Variants in LMBRD2 observed in about 807,000 individuals in gnomAD.
LMBRD2 encodes the protein G protein-coupled receptor-associated protein LMBRD2.
LMBRD2 carries 55 observed loss-of-function variants against 94.4 expected under a neutral mutation model. That is an observed-to-expected ratio of 0.58 (90% CI 0.47 to 0.73). The LOEUF (loss-of-function observed/expected upper bound fraction) is 0.73. LMBRD2 is among the 30% of genes least tolerant of loss of function. LMBRD2 has a pLI of 0.00. For missense variants in LMBRD2, 640 were observed against 831.9 expected, an observed-to-expected ratio of 0.77 and a Z score of 2.84; for synonymous variants, 246 against 272.4, an observed-to-expected ratio of 0.90 and a Z score of 0.95.
intron 6 of LMBRD2, among the ~76,000 whole-genome samples, chr5:36,135,420 T>C (rs1166615903): frequency 6.6e-6 from 1 of 152,198 alleles, no homozygotes; most frequent in Non-Finnish European, 1.5e-5. Flanking sequence ...GTTAGGTAAA[T>C]ATTAAGTCTA....
intron 9 of LMBRD2, among the ~76,000 whole-genome samples, chr5:36,118,572 A>G (rs1743813672): frequency 6.6e-6 from 1 of 152,162 alleles, no homozygotes; most frequent in Non-Finnish European, 1.5e-5. Context: ...ATACAGAAAA[A>G]GCAAATCAAT....
rs187570155 is a variant in LMBRD2 at position 36,130,987 on chromosome 5, G to A, written c.747+5322C>T. Among the ~76,000 whole-genome samples the A allele has an allele frequency of 1.7e-3, 259 of 152,136 alleles. 3 individuals are homozygous for A. Among genetic ancestry groups the A allele is most frequent in the African/African-American group, 4.8e-3 (201 of 41,514 alleles). ...AGGGATACTTCCAAACTCAATCTAC[G>A]AGGCCAGTATTGCCCTGATTCCAAA... On this transcript the variant is annotated intron_variant, in intron 6 of 17. Coordinates refer to ENST00000296603, the MANE Select transcript of LMBRD2 (RefSeq NM_001007527.2).
At chr5:36,147,513 G>A (rs1437533715) in intron 1 of LMBRD2, among the ~76,000 whole-genome samples, 1 of 152,132 alleles carries the variant, frequency 6.6e-6, no homozygotes, top group African/African-American at 2.4e-5. Flanking sequence ...TGCCCGATGT[G>A]TGGGCATATC....
At chr5:36,136,225 TAAC>T (rs995224965) in intron 6 of LMBRD2, 81 bp downstream of exon 6, 489 of 1,277,650 alleles carry the variant, frequency 3.8e-4, no homozygotes, top group African/African-American at 3.0e-3. Flanking sequence ...ATCAATGCAC[TAAC>T]AACAACAACA....
At chr5:36,110,627 A>G (rs887594603) in intron 14 of LMBRD2, among the ~76,000 whole-genome samples, 10 of 152,040 alleles carry the variant, frequency 6.6e-5, no homozygotes, top group African/African-American at 2.2e-4. Context: ...CTAAGAACCA[A>G]TGTCCCAAAA....
At chr5:36,104,539 T>C (rs749859766) in intron 17 of LMBRD2, among the ~76,000 whole-genome samples, 1 of 152,072 alleles carries the variant, frequency 6.6e-6, no homozygotes, top group African/African-American at 2.4e-5. Context: ...ACAGACTCTG[T>C]AGCCAGAATA....
chr5:36,142,875 C>T (rs1744450733), intron 2 of LMBRD2: 5 of 375,220 alleles, frequency 1.3e-5, no homozygotes. Flanking sequence ...CAGGCGTCCG[C>T]CACCACGTCC....
At chr5:36,120,285 C>T (rs1231822707) in intron 9 of LMBRD2, among the ~76,000 whole-genome samples, 1 of 151,792 alleles carries the variant, frequency 6.6e-6, no homozygotes, top group South Asian at 2.1e-4. Flanking sequence ...CTCAGCCTCC[C>T]GAGTAGCTGG....
chr5:36,134,325 T>G (rs1744220156), intron 6 of LMBRD2, among the ~76,000 whole-genome samples: 1 of 152,146 alleles, frequency 6.6e-6, no homozygotes, highest in African/African-American at 2.4e-5. Context: ...ATACATTCAT[T>G]TATTCATTTA....
chr5:36,116,806 A>T (rs1008387469), intron 10 of LMBRD2, among the ~76,000 whole-genome samples: 1 of 152,130 alleles, frequency 6.6e-6, no homozygotes, highest in Non-Finnish European at 1.5e-5. Flanking sequence ...CCAACTGAGT[A>T]GCTGGGATTA....
chr5:36,104,244 C>A, intron 17 of LMBRD2, 138 bp from the exon 18 acceptor site: 1 of 658,788 alleles, frequency 1.5e-6, no homozygotes, highest in South Asian at 1.7e-5. Context: ...AAAGCAGAAA[C>A]TTACCCTCCA....
chr5:36,143,548 G>T, intron 1 of LMBRD2, 142 bp from the exon 2 acceptor site: 1 of 395,712 alleles, frequency 2.5e-6, no homozygotes, highest in Admixed American at 4.4e-5. Context: ...CTATGAATAA[G>T]ATTAAAAGGG....
intron 6 of LMBRD2, among the ~76,000 whole-genome samples, chr5:36,136,096 A>G (rs997511628): frequency 6.6e-6 from 1 of 152,220 alleles, no homozygotes; most frequent in Admixed American, 6.5e-5. Flanking sequence ...TATATTTTCC[A>G]TGAATCTCTG....
chr5:36,106,505 TTTCG>T (rs1743470323), intron 16 of LMBRD2, among the ~76,000 whole-genome samples: 3 of 136,592 alleles, frequency 2.2e-5, no homozygotes, highest in Non-Finnish European at 1.7e-5. Context: ...CTTTTTTTTC[TTTCG>T]TTTTTTTTTT....
chr5:36,146,941 A>AGTGTGT lies in LMBRD2; in HGVS notation c.-57-3541_-57-3536dup, dbSNP rs371000455. On this transcript the variant is annotated intron_variant, in intron 1 of 17. Coordinates refer to ENST00000296603, the MANE Select transcript of LMBRD2 (RefSeq NM_001007527.2). ...CTCTGCGTGTGTGTGTGTGTGTGTG[A>AGTGTGT]GTGTGTGTGTGTGTGTGTGTGTGTG... 2.8e-3 allele frequency among the ~76,000 whole-genome samples: 394 copies of AGTGTGT among 139,464 alleles called. 1 individual carries two copies. The highest frequency in any genetic ancestry group is 4.9e-3 in the Admixed American group (69 of 14,114). 91.5% of individuals were successfully genotyped at this position (139,464 alleles called of 152,430 possible). A position where few individuals can be genotyped will look rare whatever the true frequency, so the allele number is the denominator to read the frequency against.
intron 6 of LMBRD2, 147 bp downstream of exon 6, chr5:36,136,162 T>C: frequency 1.4e-6 from 1 of 734,456 alleles, no homozygotes; most frequent in African/African-American, 1.7e-5. Flanking sequence ...AAAGTCATCC[T>C]GGATGAGACA....
chr5:36,140,415 C>T (rs553675715), intron 4 of LMBRD2, among the ~76,000 whole-genome samples: 5 of 152,280 alleles, frequency 3.3e-5, no homozygotes, highest in African/African-American at 9.6e-5. Flanking sequence ...ATAAGCCCAG[C>T]GGGCCTGAGT....
At chr5:36,146,923 T>A (rs376984129) in intron 1 of LMBRD2, among the ~76,000 whole-genome samples, 2 of 128,442 alleles carry the variant, frequency 1.6e-5, no homozygotes, top group Non-Finnish European at 3.1e-5. Context: ...TCTCTCTGCG[T>A]GTGTGTGTGT....
chr5:36,141,853 T>A (rs1442865830), intron 3 of LMBRD2, among the ~76,000 whole-genome samples: 2 of 152,184 alleles, frequency 1.3e-5, no homozygotes, highest in East Asian at 1.9e-4. Context: ...CCAGTTTTTT[T>A]AATAGTGCTT....
Sources: allele counts gnomAD v4.1 joint callset (sites outside exome capture counted in the v4.1 genomes callset), GRCh38; gene constraint gnomAD v4.1.1; transcripts MANE v1.5; gene names NCBI Gene and HGNC (gene_info 2026-07-23, HGNC 2026-07-21).